OR1J2: variants seen among roughly 807,000 people sequenced by gnomAD.
The protein encoded by OR1J2 is olfactory receptor family 1 subfamily J member 2, also known as olfactory receptor 1J2.
For missense variants in OR1J2, 304 were observed against 246.1 expected (o/e 1.24, Z -1.57); for synonymous variants, 142 against 99.7 (o/e 1.42, Z -2.52).
At chr9:122,464,318 G>A in the OR1J2 span, among the ~76,000 whole-genome samples, 1,178 of 152,288 alleles carry the variant, frequency 7.7e-3, 10 homozygotes, top group African/African-American at 0.027. Flanking sequence ...CCCACCGCCC[G>A]CCAGCAGCAG....
chr9:122,486,111 C>G, the OR1J2 span, among the ~76,000 whole-genome samples: 2 of 152,076 alleles, frequency 1.3e-5, no homozygotes, highest in South Asian at 4.2e-4. Context: ...CAGGTGCCCA[C>G]TAGCATGCCA....
chr9:122,494,944 G>A, the OR1J2 span, among the ~76,000 whole-genome samples: 3 of 152,158 alleles, frequency 2.0e-5, no homozygotes, highest in African/African-American at 7.2e-5. Flanking sequence ...CATTTATGAA[G>A]CCTAGTTTTG....
the OR1J2 span, among the ~76,000 whole-genome samples, chr9:122,530,687 G>A: frequency 6.6e-6 from 1 of 152,162 alleles, no homozygotes; most frequent in African/African-American, 2.4e-5. Flanking sequence ...GGTGCAGGCG[G>A]GCTGAGTCCG....
the OR1J2 span, among the ~76,000 whole-genome samples, chr9:122,540,775 A>G: frequency 5.9e-5 from 9 of 152,178 alleles, no homozygotes; most frequent in South Asian, 1.5e-3. Context: ...ATTTGTTTGT[A>G]TCCTCTTTTA....
the OR1J2 span, among the ~76,000 whole-genome samples, chr9:122,479,627 A>G: frequency 4.6e-5 from 7 of 152,338 alleles, no homozygotes; most frequent in East Asian, 1.3e-3. Flanking sequence ...CGAGGCTGTC[A>G]GATGCTGTTA....
Position 122,511,033 on chromosome 9 carries a change from G to T in OR1J2, c.232G>T (p.Val78Phe), listed in dbSNP as rs755703163. ...LTDISFSSVT[V>F]PKMLMDMRTK... ...TGACATCTCCTTTTCATCTGTCACT[G>T]TCCCTAAGATGCTGATGGACATGCG... Residue 78 changes from valine to phenylalanine, a missense_variant, in exon 1 of 1, where the codon GTC becomes TTC. Transcript: ENST00000335302. The T allele has an allele frequency of 3.9e-6, 6 of 1,550,868 alleles. No individual in the cohort carries two copies. The East Asian group carries it at 1.1e-4, about 29-fold the overall frequency.
the OR1J2 span, among the ~76,000 whole-genome samples, chr9:122,454,128 T>C: frequency 6.6e-6 from 1 of 152,226 alleles, no homozygotes; most frequent in Admixed American, 6.5e-5. Flanking sequence ...CAAGGGGAAA[T>C]AAATCTTGGG....
chr9:122,526,277 G>A, the OR1J2 span: 65 of 723,128 alleles, frequency 9.0e-5, no homozygotes, highest in Non-Finnish European at 4.2e-6. Flanking sequence ...CTTATGGCTA[G>A]TGTGTGGTAG....
chr9:122,490,852 T>A, the OR1J2 span, among the ~76,000 whole-genome samples: 1 of 152,148 alleles, frequency 6.6e-6, no homozygotes, highest in Non-Finnish European at 1.5e-5. Flanking sequence ...ATCAGCAGAT[T>A]GACAATCATA....
the OR1J2 span, among the ~76,000 whole-genome samples, chr9:122,491,123 G>T: frequency 6.6e-6 from 1 of 152,136 alleles, no homozygotes; most frequent in African/African-American, 2.4e-5. Context: ...AGTTGATTTT[G>T]ATAAGAATGT....
chr9:122,498,400 C>A, the OR1J2 span, among the ~76,000 whole-genome samples: 3 of 152,210 alleles, frequency 2.0e-5, no homozygotes, highest in South Asian at 4.2e-4. Flanking sequence ...GCTCTAAAAT[C>A]TTTATTCTGC....
chr9:122,545,481 A>G, the OR1J2 span, among the ~76,000 whole-genome samples: 1 of 152,054 alleles, frequency 6.6e-6, no homozygotes. Flanking sequence ...TTTTTGATGC[A>G]TGTGTTTTGA....
the OR1J2 span, among the ~76,000 whole-genome samples, chr9:122,529,773 A>G: frequency 3.3e-5 from 1 of 30,762 alleles, no homozygotes; most frequent in Admixed American, 3.4e-4. Flanking sequence ...CTTACCTCCA[A>G]CTGCCTCTTC....
chr9:122,555,953 A>C, the OR1J2 span, among the ~76,000 whole-genome samples: 6 of 152,202 alleles, frequency 3.9e-5, no homozygotes, highest in Non-Finnish European at 8.8e-5. Context: ...ACAAATGCTT[A>C]ATAGCATGTA....
chr9:122,551,715 T>C, the OR1J2 span, among the ~76,000 whole-genome samples: 2 of 151,808 alleles, frequency 1.3e-5, no homozygotes, highest in Non-Finnish European at 2.9e-5. Flanking sequence ...CCAGCCAGAG[T>C]TGGCTGGAGA....
chr9:122,553,917 G>C, the OR1J2 span: 9 of 1,613,782 alleles, frequency 5.6e-6, no homozygotes, highest in Admixed American at 1.3e-4. Context: ...ATCTCCTGGA[G>C]GGAGATGGAA....
chr9:122,482,497 T>A, the OR1J2 span, among the ~76,000 whole-genome samples: 1 of 152,196 alleles, frequency 6.6e-6, no homozygotes, highest in Non-Finnish European at 1.5e-5. Flanking sequence ...TACCATATGA[T>A]CCAGCAATCT....
At chr9:122,567,627 A>G in the OR1J2 span, 3 of 1,613,940 alleles carry the variant, frequency 1.9e-6, no homozygotes, top group African/African-American at 4.0e-5. Context: ...AGGATTGAGC[A>G]TGGATGACAA....
chr9:122,570,539 C>A, the OR1J2 span, among the ~76,000 whole-genome samples: 1 of 152,112 alleles, frequency 6.6e-6, no homozygotes, highest in East Asian at 1.9e-4. Flanking sequence ...ACACAAATAT[C>A]CACATTGTCA....
Sources: allele counts gnomAD v4.1 joint callset (sites outside exome capture counted in the v4.1 genomes callset), GRCh38; gene constraint gnomAD v4.1.1; transcripts MANE v1.5; gene names NCBI Gene and HGNC (gene_info 2026-07-23, HGNC 2026-07-21).